Variants in DNM1 observed in about 807,000 individuals in gnomAD.
The protein encoded by DNM1 is dynamin-1.
A neutral mutation model predicts 104.6 loss-of-function variants in DNM1; 29 were observed. The observed-to-expected ratio is 0.28, with a 90% CI of 0.21 to 0.38. DNM1 has a LOEUF of 0.38. DNM1 is among the 10% of genes least tolerant of loss of function. DNM1 has a pLI of 1.00. For synonymous variants in DNM1, 445 were observed against 475.8 expected (o/e 0.94, Z 0.84); for missense variants, 640 against 1,189.4 (o/e 0.54, Z 6.79).
chr9:128,207,035 T>C (rs1270392947), intron 1 of DNM1, among the ~76,000 whole-genome samples: 1 of 151,976 alleles, frequency 6.6e-6, no homozygotes, highest in Admixed American at 6.6e-5. Context: ...GAGGAAGTCC[T>C]GCTGGAGGAT....
rs1836819861 is a variant in DNM1, at chr9:128,246,471, G to A, written c.1749G>A (p.Lys583=). Residue 583 remains lysine (K), a synonymous_variant, in exon 16 of 22, where the codon AAG becomes AAA. Coordinates refer to ENST00000372923, the MANE Select transcript of DNM1 (RefSeq NM_004408.4). ...RDVEKGFMSS[K]HIFALFNTEQ... Reference sequence around the variant, plus strand: ...TGGAGAAGGGCTTTATGTCGAGCAAGCATATCTTTGCCCTCTTTAACACGG... The same window carrying A: ...TGGAGAAGGGCTTTATGTCGAGCAAACATATCTTTGCCCTCTTTAACACGG... 4 of 1,614,102 alleles carry A rather than the reference G, an allele frequency of 2.5e-6. No individual in the cohort carries two copies. Among genetic ancestry groups the A allele is most frequent in the Non-Finnish European group, 3.4e-6 (4 of 1,179,968 alleles).
At chr9:128,207,130 CAG>C (rs1182144284) in intron 1 of DNM1, among the ~76,000 whole-genome samples, 3 of 151,970 alleles carry the variant, frequency 2.0e-5, no homozygotes, top group African/African-American at 4.8e-5. Context: ...GTGCCATTAA[CAG>C]AGTCGGGAAG....
At chr9:128,231,382 A>G (rs2131215371) in intron 10 of DNM1, among the ~76,000 whole-genome samples, 1 of 151,246 alleles carries the variant, frequency 6.6e-6, no homozygotes, top group Non-Finnish European at 1.5e-5. Flanking sequence ...TGTATTTTTA[A>G]TAGAGACGGG....
intron 10 of DNM1, among the ~76,000 whole-genome samples, chr9:128,228,272 A>G (rs1835464311): frequency 6.6e-6 from 1 of 150,500 alleles, no homozygotes; most frequent in African/African-American, 2.4e-5. Flanking sequence ...TGAACCCCTG[A>G]CCTCAAGTGA....
At position 128,218,473 on chromosome 9, in the gene DNM1, C is replaced by T; in HGVS notation, c.236-109C>T. 6.9e-7 allele frequency: 1 copy of T among 1,439,744 alleles called. No homozygotes were observed. Among genetic ancestry groups the T allele is most frequent in the Non-Finnish European group, 9.7e-7 (1 of 1,035,050 alleles). 89.2% of individuals were successfully genotyped at this position (1,439,744 alleles called of 1,614,324 possible). A position where few individuals can be genotyped will look rare whatever the true frequency, so the allele number is the denominator to read the frequency against. On this transcript the variant is annotated intron_variant, in intron 2 of 21. Transcript: ENST00000372923. This position sits in a 1 kb window ranked among gnomAD's most constrained non-coding sequence, Gnocchi z 4.8. ...CATAATGGAGACGTGGGTGGTGGTTCTGCTTGGGTGTGTCTAGGGGGTTCT... is the reference window on the plus strand; with the variant it reads ...CATAATGGAGACGTGGGTGGTGGTTTTGCTTGGGTGTGTCTAGGGGGTTCT...
chr9:128,240,765 G>C lies in DNM1; in HGVS notation c.1557+769G>C, dbSNP rs1324640828. On this transcript the variant is annotated intron_variant, in intron 14 of 21. Coordinates refer to ENST00000372923, the MANE Select transcript of DNM1 (RefSeq NM_004408.4). The surrounding 1 kb of genome is among the most constrained non-coding windows in gnomAD (Gnocchi z 5.1). ...CACGGTGCTGGCCCCTGGACAGGAC[G>C]TGGAGACCTGGGCCTGCTGGTAGGG... 1 of 152,462 alleles carries C rather than the reference G, an allele frequency of 6.6e-6. No individual in the cohort carries two copies. Among genetic ancestry groups the C allele is most frequent in the African/African-American group, 2.4e-5 (1 of 41,466 alleles). The allele number at this position is 152,462 out of a possible 1,614,324, so 9.4% of individuals were successfully genotyped here.
At chr9:128,242,882 G>A (rs543900007) in intron 15 of DNM1, among the ~76,000 whole-genome samples, 14 of 152,144 alleles carry the variant, frequency 9.2e-5, no homozygotes, top group African/African-American at 2.9e-4. Flanking sequence ...CAGGACTGAG[G>A]AGCCTGGGGC....
In DNM1 at chr9:128,219,268, G is replaced by T; in HGVS notation, c.589+16G>T. On this transcript the variant is annotated intron_variant, in intron 4 of 21. Transcript: ENST00000372923. ...GACCCCCAGGGTAGGTTCCCACCCG[G>T]TGGCCAATGCACAAAACCCCAGGCT... 1 of 1,611,402 alleles carries T rather than the reference G, an allele frequency of 6.2e-7. No individual in the cohort carries two copies. The highest frequency in any genetic ancestry group is 8.5e-7 in the Non-Finnish European group (1 of 1,177,802).
chr9:128,206,431 G>A lies in DNM1; in HGVS notation c.161+2800G>A, dbSNP rs369328896. Among the ~76,000 whole-genome samples the A allele has an allele frequency of 1.1e-4, 16 of 152,106 alleles. 1 individual carries two copies. In the East Asian group the frequency reaches 1.2e-3, roughly 11 times the overall value. ...TAGCAAACATTTGTGGAGGGTGCAC[G>A]ATGTCTCAGCACTGGGGATTCTATG... On this transcript the variant is annotated intron_variant, in intron 1 of 21. Coordinates refer to ENST00000372923, the MANE Select transcript of DNM1 (RefSeq NM_004408.4).
At chr9:128,212,022 C>G (rs1415820804) in intron 1 of DNM1, among the ~76,000 whole-genome samples, 1 of 152,230 alleles carries the variant, frequency 6.6e-6, no homozygotes, top group African/African-American at 2.4e-5. Flanking sequence ...AGAAAAATCT[C>G]AGCGGGTGAA....
rs774518740 is a variant in DNM1, at chr9:128,222,301, C to T, written c.954C>T (p.Arg318=). The T allele has an allele frequency of 1.2e-6, 2 of 1,614,102 alleles. No homozygotes were observed. The highest frequency in any genetic ancestry group is 1.1e-5 in the South Asian group (1 of 91,090). The change falls in exon 7 of 22, where the codon CGC becomes CGT. Residue 318 remains arginine, a synonymous_variant. Transcript: ENST00000372923. This position sits in a 1 kb window ranked among gnomAD's most constrained non-coding sequence, Gnocchi z 7.8. Reference sequence around the variant, plus strand: ...AGGTGGAGGAATACAAGAACTTCCGCCCTGATGACCCAGCTCGCAAGACCA... The same window carrying T: ...AGGTGGAGGAATACAAGAACTTCCGTCCTGATGACCCAGCTCGCAAGACCA... ...EKEVEEYKNF[R]PDDPARKTKA...
chr9:128,210,556 T>C (rs550893148), intron 1 of DNM1, among the ~76,000 whole-genome samples: 1 of 152,084 alleles, frequency 6.6e-6, no homozygotes, highest in East Asian at 1.9e-4. Context: ...AGAGATGGGG[T>C]TTCACCATAT....
chr9:128,203,638 G>A lies in DNM1; in HGVS notation c.161+7G>A. 1.3e-6 allele frequency: 2 copies of A among 1,519,712 alleles called. No individual in the cohort carries two copies. Among genetic ancestry groups the A allele is most frequent in the Non-Finnish European group, 1.8e-6 (2 of 1,140,786 alleles). The allele number at this position is 1,519,712 out of a possible 1,614,324, so 94.1% of individuals were successfully genotyped here. On this transcript the variant is annotated splice_region_variant and intron_variant, in intron 1 of 21. Coordinates refer to ENST00000372923, the MANE Select transcript of DNM1 (RefSeq NM_004408.4). The surrounding 1 kb of genome is among the most constrained non-coding windows in gnomAD (Gnocchi z 5.3). Reference sequence around the variant, plus strand: ...TCGAGAATTTCGTAGGCAGGTAGGCGCGGCGCGCCCCCAGGCGCCGACCCC... The same window carrying A: ...TCGAGAATTTCGTAGGCAGGTAGGCACGGCGCGCCCCCAGGCGCCGACCCC...
Position 128,203,590 on chromosome 9 carries a change from G to T in DNM1, c.120G>T (p.Gln40His). The T allele has an allele frequency of 6.4e-7, 1 of 1,552,200 alleles. No homozygotes were observed. The highest frequency in any genetic ancestry group is 8.7e-7 in the Non-Finnish European group (1 of 1,153,520). Residue 40 changes from glutamine to histidine, a missense_variant, in exon 1 of 22, where the codon CAG (glutamine) becomes CAT (histidine). By Grantham distance (24) the Gln-to-His change is conservative (BLOSUM62 0). Coordinates refer to ENST00000372923, the MANE Select transcript of DNM1 (RefSeq NM_004408.4). The surrounding 1 kb of genome is among the most constrained non-coding windows in gnomAD (Gnocchi z 5.3). ...DLPQIAVVGG[Q>H]SAGKSSVLEN... ...CGCAGATCGCTGTGGTGGGCGGCCA[G>T]AGCGCCGGCAAGAGCTCGGTGCTCG...
At chr9:128,208,377 C>G (rs1834098226) in intron 1 of DNM1, among the ~76,000 whole-genome samples, 2 of 152,136 alleles carry the variant, frequency 1.3e-5, no homozygotes, top group Non-Finnish European at 2.9e-5. Flanking sequence ...TGCATTCTAT[C>G]CCAGCATGGA....
At position 128,219,230 on chromosome 9, in the gene DNM1, C is replaced by T; in HGVS notation, c.567C>T (p.Val189=). The change falls in exon 4 of 22, where the codon GTC becomes GTT. Residue 189 remains valine (V), a synonymous_variant. Coordinates refer to ENST00000372923, the MANE Select transcript of DNM1 (RefSeq NM_004408.4). The stretch of plus-strand genomic sequence containing the variant: ...TGGCCAATTCTGACGCCCTCAAGGT[C>T]GCCAAGGAGGTGGACCCCCAGGGTA... The part of the protein sequence containing the change: ...SDLANSDALK[V]AKEVDPQGQR... 2.5e-6 allele frequency: 4 copies of T among 1,614,154 alleles called. No homozygotes were observed. Among genetic ancestry groups the T allele is most frequent in the South Asian group, 1.1e-5 (1 of 91,088 alleles).
chr9:128,250,219 G>A lies in DNM1; in HGVS notation c.2181G>A (p.Glu727=), dbSNP rs140234146. 3.1e-6 allele frequency: 5 copies of A among 1,614,190 alleles called. No individual in the cohort carries two copies. In the South Asian group the frequency reaches 4.4e-5, roughly 14 times the overall value. Residue 727 remains glutamate (E), a synonymous_variant, in exon 20 of 22, where the codon GAG becomes GAA. Coordinates refer to ENST00000372923, the MANE Select transcript of DNM1 (RefSeq NM_004408.4). The part of the protein sequence containing the change: ...ESAEQAQRRD[E]MLRMYHALKE... ...CGGAGCAGGCACAGCGGCGCGACGA[G>A]ATGCTGCGCATGTACCACGCACTGA...
chr9:128,218,486 TC>T lies in DNM1; in HGVS notation c.236-95del, dbSNP rs1834746566. Reference sequence around the variant, plus strand: ...TGGGTGGTGGTTCTGCTTGGGTGTGTCTAGGGGGTTCTATTACCGGTGGGAG... The same window carrying T: ...TGGGTGGTGGTTCTGCTTGGGTGTGTTAGGGGGTTCTATTACCGGTGGGAG... On this transcript the variant is annotated intron_variant, in intron 2 of 21. Transcript: ENST00000372923. The surrounding 1 kb of genome is among the most constrained non-coding windows in gnomAD (Gnocchi z 4.8). 1 of 1,473,518 alleles carries T rather than the reference TC, an allele frequency of 6.8e-7. No homozygotes were observed. The highest frequency in any genetic ancestry group is 1.4e-5 in the African/African-American group (1 of 71,912). 91.3% of individuals were successfully genotyped at this position (1,473,518 alleles called of 1,614,324 possible). A position where few individuals can be genotyped will look rare whatever the true frequency, so the allele number is the denominator to read the frequency against.
chr9:128,232,253 G>A (rs1472827260), intron 10 of DNM1: 1 of 336,834 alleles, frequency 3.0e-6, no homozygotes, highest in Non-Finnish European at 5.9e-6. Context: ...TGGTGGCTGT[G>A]ACCCAGTCCC....
Sources: allele counts gnomAD v4.1 joint callset (sites outside exome capture counted in the v4.1 genomes callset), GRCh38; gene constraint gnomAD v4.1.1; non-coding constraint Gnocchi (gnomAD v3.1); transcripts MANE v1.5; gene names NCBI Gene and HGNC (gene_info 2026-07-23, HGNC 2026-07-21).